The following TMTC4 variants were observed in gnomAD, a reference collection of about 807,000 sequenced individuals.
TMTC4 encodes protein O-mannosyl-transferase TMTC4.
TMTC4 carries 65 observed loss-of-function variants against 86.0 expected under a neutral mutation model. The observed-to-expected ratio is 0.76, with a 90% CI of 0.62 to 0.93. The LOEUF is 0.93. Among genes scored for constraint, TMTC4 ranks in the 40% least tolerant of loss-of-function variants. The pLI is 0.00. For missense variants in TMTC4, 866 were observed against 948.1 expected, an observed-to-expected ratio of 0.91 and a Z score of 1.14; for synonymous variants, 379 against 382.5, an observed-to-expected ratio of 0.99 and a Z score of 0.11.
chr13:100,655,783 AG>A (rs1885032333), intron 6 of TMTC4, among the ~76,000 whole-genome samples: 1 of 72,876 alleles, frequency 1.4e-5, no homozygotes, highest in Non-Finnish European at 3.6e-5. Context: ...AGGCTTGATA[AG>A]GTAATAATAA....
At chr13:100,627,708 T>C (rs1880762742) in intron 12 of TMTC4, among the ~76,000 whole-genome samples, 1 of 152,174 alleles carries the variant, frequency 6.6e-6, no homozygotes, top group Non-Finnish European at 1.5e-5. Context: ...ACATTATACT[T>C]CTAGGTCCCA....
chr13:100,657,780 A>G (rs1036097638), intron 5 of TMTC4, among the ~76,000 whole-genome samples: 6 of 152,246 alleles, frequency 3.9e-5, no homozygotes, highest in Non-Finnish European at 7.3e-5. Flanking sequence ...CTATATTTAC[A>G]TATGATTCTC....
intron 16 of TMTC4, among the ~76,000 whole-genome samples, chr13:100,613,554 A>G (rs1877968567): frequency 6.6e-6 from 1 of 152,114 alleles, no homozygotes; most frequent in Non-Finnish European, 1.5e-5. Context: ...TGGACCTAGT[A>G]CTATCCATGT....
At chr13:100,612,558 G>T in intron 16 of TMTC4, 48 bp from the exon 17 acceptor site, 2 of 1,374,548 alleles carry the variant, frequency 1.5e-6, no homozygotes, top group East Asian at 2.3e-5. Context: ...TGTTGTACTC[G>T]CATTTTAGCT....
chr13:100,643,170 A>T (rs1883253807), intron 6 of TMTC4, among the ~76,000 whole-genome samples: 1 of 152,192 alleles, frequency 6.6e-6, no homozygotes, highest in Non-Finnish European at 1.5e-5. Flanking sequence ...CTCCGTTGTG[A>T]AGTCCCCACT....
At chr13:100,675,063 C>G (rs1035282308), upstream of TMTC4, 4 of 985,536 alleles carry the variant, frequency 4.1e-6, no homozygotes, top group Non-Finnish European at 4.8e-6. Context: ...CAGGGACAGA[C>G]GGACCCGGCG....
intron 7 of TMTC4, among the ~76,000 whole-genome samples, chr13:100,641,084 A>AG (rs1882947496): frequency 6.6e-6 from 1 of 151,808 alleles, no homozygotes; most frequent in South Asian, 2.1e-4. Flanking sequence ...GCCGAGGTAC[A>AG]GTTTTTTTCC....
At chr13:100,660,657 AT>A (rs35020533) in intron 5 of TMTC4, among the ~76,000 whole-genome samples, 273 of 139,916 alleles carry the variant, frequency 2.0e-3, no homozygotes, top group African/African-American at 2.7e-3. Context: ...TTAAAGCTGG[AT>A]TTTTTTTTTT....
At position 100,664,337 on chromosome 13, in the gene TMTC4, C is replaced by T. The variant is rs776211461; in HGVS notation, c.220-1G>A. On this transcript the variant is annotated splice_acceptor_variant, in intron 3 of 18. Coordinates refer to ENST00000342624, the MANE Select transcript of TMTC4 (RefSeq NM_032813.5). LOFTEE classifies it high-confidence loss of function. The stretch of plus-strand genomic sequence containing the variant: ...CCAGGGGCGTTTCTGCTTGGAGGTC[C>T]TGCAGGGTCACAAAGGGGATGTTCT... 6.2e-7 allele frequency: 1 copy of T among 1,603,500 alleles called. No individual in the cohort carries two copies. Among genetic ancestry groups the T allele is most frequent in the South Asian group, 1.1e-5 (1 of 89,450 alleles).
rs1876307554 is a variant in TMTC4, at chr13:100,604,691, A to G, written c.*303T>C. 4.3e-6 allele frequency: 1 copy of G among 231,902 alleles called. No homozygotes were observed. The highest frequency in any genetic ancestry group is 8.3e-6 in the Non-Finnish European group (1 of 120,202). The allele number at this position is 231,902 out of a possible 1,614,324, so 14.4% of individuals were successfully genotyped here. ...GGCTCAGATCCCAAATGTAAGCTCA[A>G]TTCTACTAAAAGTTGCTCAAGATAA... On this transcript the variant is annotated 3_prime_UTR_variant, in exon 19 of 19. Transcript: ENST00000342624.
intron 17 of TMTC4, among the ~76,000 whole-genome samples, chr13:100,608,622 G>C (rs929986934): frequency 6.6e-6 from 1 of 152,156 alleles, no homozygotes; most frequent in African/African-American, 2.4e-5. Flanking sequence ...CGCAGCATCT[G>C]TGAGTATTCA....
intron 15 of TMTC4, chr13:100,614,951 C>T: frequency 1.0e-6 from 1 of 985,168 alleles, no homozygotes. Flanking sequence ...GGTCTCAGGG[C>T]CTCTTCCTGC....
chr13:100,623,966 C>T (rs975739304), intron 15 of TMTC4: 6 of 412,564 alleles, frequency 1.5e-5, no homozygotes, highest in Non-Finnish European at 2.4e-5. Flanking sequence ...TGTATGGGTC[C>T]AGTCTCTTCC....
intron 15 of TMTC4, among the ~76,000 whole-genome samples, chr13:100,616,691 CT>C (rs974616392): frequency 3.9e-5 from 6 of 152,126 alleles, no homozygotes; most frequent in Admixed American, 1.3e-4. Flanking sequence ...TGTTTTTTCA[CT>C]TTTTGATAAC....
chr13:100,625,306 T>G, intron 15 of TMTC4: 1 of 571,702 alleles, frequency 1.7e-6, no homozygotes, highest in Non-Finnish European at 3.0e-6. Context: ...TTTAACCTTT[T>G]GCGTGGGTGA....
chr13:100,662,546 A>G (rs1169164145), intron 5 of TMTC4, among the ~76,000 whole-genome samples: 1 of 152,128 alleles, frequency 6.6e-6, no homozygotes, highest in Non-Finnish European at 1.5e-5. Context: ...GTCAGCGAAC[A>G]CAGAAACACT....
At position 100,604,933 on chromosome 13, in the gene TMTC4, A is replaced by G; in HGVS notation, c.*61T>C. On this transcript the variant is annotated 3_prime_UTR_variant, in exon 19 of 19. Coordinates refer to ENST00000342624, the MANE Select transcript of TMTC4 (RefSeq NM_032813.5). ...TTTAAATGGTTAAATGTAACCACAT[A>G]CTATTAATGATATGCCTCATGCACA... 2 of 1,528,842 alleles carry G rather than the reference A, an allele frequency of 1.3e-6. No homozygotes were observed. Among genetic ancestry groups the G allele is most frequent in the South Asian group, 1.3e-5 (1 of 76,982 alleles). 94.7% of individuals were successfully genotyped at this position (1,528,842 alleles called of 1,614,324 possible).
At chr13:100,628,786 A>T (rs1458414261) in intron 12 of TMTC4, among the ~76,000 whole-genome samples, 1 of 152,168 alleles carries the variant, frequency 6.6e-6, no homozygotes, top group Admixed American at 6.5e-5. Flanking sequence ...TAAATGACAA[A>T]GAAAAAAGTG....
Position 100,612,434 on chromosome 13 carries a change from C to A in TMTC4, c.2028G>T (p.Ser676=). ...GGGATTTCCCCAGCACGTTTGCCAACGAGAACATGAGAGAGTGATCATTAG... is the reference window on the plus strand; with the variant it reads ...GGGATTTCCCCAGCACGTTTGCCAAAGAGAACATGAGAGAGTGATCATTAG... ...LIPNDHSLMF[S]LANVLGKSQK... is the part of the protein sequence containing the mutation. Residue 676 remains serine, a synonymous_variant, in exon 17 of 19, where the codon TCG becomes TCT. Coordinates refer to ENST00000342624, the MANE Select transcript of TMTC4 (RefSeq NM_032813.5). 1 of 1,610,524 alleles carries A rather than the reference C, an allele frequency of 6.2e-7. No homozygotes were observed.
Sources: gnomAD v4.1 joint callset for allele counts (sites outside exome capture counted in the v4.1 genomes callset) on GRCh38, gnomAD v4.1.1 for gene constraint, MANE v1.5 for transcripts, NCBI Gene and HGNC (gene_info 2026-07-23, HGNC 2026-07-21) for gene names.